The following GALM variants were observed in gnomAD, a reference collection of about 807,000 sequenced individuals.
The protein encoded by GALM is galactose mutarotase.
A neutral mutation model predicts 37.4 loss-of-function variants in GALM; 43 were observed. The observed-to-expected ratio is 1.15, with a 90% CI of 0.90 to 1.48. The LOEUF (loss-of-function observed/expected upper bound fraction) is 1.48, where lower values mean the gene tolerates loss of function less well. GALM is among the 40% of genes most tolerant of loss of function. The pLI, the probability that GALM is intolerant of heterozygous loss-of-function variation, is 0.00. For synonymous variants in GALM, 199 were observed against 170.6 expected, an observed-to-expected ratio of 1.17 and a Z score of -1.30; for missense variants, 456 against 419.1, an observed-to-expected ratio of 1.09 and a Z score of -0.77.
intron 4 of GALM, among the ~76,000 whole-genome samples, chr2:38,714,878 G>C (rs1666239284): frequency 6.6e-6 from 1 of 152,170 alleles, no homozygotes; most frequent in African/African-American, 2.4e-5. Context: ...GGTTCATTTG[G>C]TCTATAGTAT....
At chr2:38,721,096 A>G (rs1025592108) in intron 4 of GALM, among the ~76,000 whole-genome samples, 6 of 152,240 alleles carry the variant, frequency 3.9e-5, no homozygotes, top group Non-Finnish European at 8.8e-5. Context: ...ATCTGCCACA[A>G]GCAGTCATGG....
chr2:38,719,631 C>T (rs1257158952), intron 4 of GALM, among the ~76,000 whole-genome samples: 1 of 151,254 alleles, frequency 6.6e-6, no homozygotes, highest in African/African-American at 2.4e-5. Flanking sequence ...AAAAATTAGC[C>T]AGGTGTGGTG....
intron 4 of GALM, among the ~76,000 whole-genome samples, chr2:38,699,113 C>T (rs991675071): frequency 6.6e-6 from 1 of 150,540 alleles, no homozygotes; most frequent in Non-Finnish European, 1.5e-5. Context: ...GGGGTTTCAC[C>T]ATGTTGGCCA....
rs60191054 is a variant in GALM at position 38,697,039 on chromosome 2, T to C, written c.634+7145T>C. 7.3e-3 allele frequency among the ~76,000 whole-genome samples: 1,107 copies of C among 152,012 alleles called. 18 individuals carry two copies. Among genetic ancestry groups the C allele is most frequent in the African/African-American group, 0.024 (1,009 of 41,456 alleles). Reference sequence around the variant, plus strand: ...TCCTGACCTCAAGTGATCCACCTGCTGTGGCCTCCCAAAGTGCTGGGATTA... The same window carrying C: ...TCCTGACCTCAAGTGATCCACCTGCCGTGGCCTCCCAAAGTGCTGGGATTA... On this transcript the variant is annotated intron_variant, in intron 4 of 6. Transcript: ENST00000272252.
Position 38,701,653 on chromosome 2 carries a change from A to G in GALM, c.634+11759A>G, listed in dbSNP as rs1372191914. 3.9e-5 allele frequency among the ~76,000 whole-genome samples: 6 copies of G among 152,194 alleles called. No homozygotes were observed. In the East Asian group the frequency reaches 1.2e-3, roughly 29 times the overall value. On this transcript the variant is annotated intron_variant, in intron 4 of 6. Coordinates refer to ENST00000272252, the MANE Select transcript of GALM (RefSeq NM_138801.3). Reference sequence around the variant, plus strand: ...AGGCTGTGGAGAGAGGCCCAGCAAGACTTTTGTATTTTATTTCAACCTCTG... The same window carrying G: ...AGGCTGTGGAGAGAGGCCCAGCAAGGCTTTTGTATTTTATTTCAACCTCTG...
At chr2:38,729,772 T>TAAA in intron 5 of GALM, 75 bp downstream of exon 5, 1 of 1,238,648 alleles carries the variant, frequency 8.1e-7, no homozygotes, top group Non-Finnish European at 1.2e-6. Flanking sequence ...GAGCTTTTCC[T>TAAA]CTGGCCATAT....
intron 5 of GALM, among the ~76,000 whole-genome samples, 194 bp from the exon 6 acceptor site, chr2:38,731,541 A>C (rs1292277985): frequency 6.6e-6 from 1 of 152,014 alleles, no homozygotes; most frequent in Non-Finnish European, 1.5e-5. Flanking sequence ...AGGATCCTGA[A>C]AGCCACCTGC....
intron 4 of GALM, among the ~76,000 whole-genome samples, chr2:38,709,869 C>T (rs568204236): frequency 6.6e-6 from 1 of 152,290 alleles, no homozygotes; most frequent in East Asian, 1.9e-4. Context: ...CAGATGAGTA[C>T]CTGTGCCCAT....
intron 5 of GALM, among the ~76,000 whole-genome samples, chr2:38,730,647 G>T (rs545602603): frequency 6.6e-6 from 1 of 152,146 alleles, no homozygotes; most frequent in Non-Finnish European, 1.5e-5. Context: ...CGGGCTGGGC[G>T]TGGTGGCTCA....
chr2:38,709,883 C>A (rs1034083176), intron 4 of GALM, among the ~76,000 whole-genome samples: 2 of 152,174 alleles, frequency 1.3e-5, no homozygotes, highest in African/African-American at 2.4e-5. Context: ...TGCCCATGAG[C>A]CCCTTTACCG....
At chr2:38,722,835 T>C (rs756422628) in intron 4 of GALM, among the ~76,000 whole-genome samples, 1 of 152,134 alleles carries the variant, frequency 6.6e-6, no homozygotes, top group Non-Finnish European at 1.5e-5. Flanking sequence ...TGTGACCAAG[T>C]CGGACACTCC....
intron 4 of GALM, among the ~76,000 whole-genome samples, chr2:38,724,773 TTA>T (rs1222031333): frequency 6.6e-6 from 1 of 152,216 alleles, no homozygotes; most frequent in Non-Finnish European, 1.5e-5. Context: ...TTTGGCCCTG[TTA>T]TATATATTTA....
intron 5 of GALM, 111 bp downstream of exon 5, chr2:38,729,808 G>A: frequency 1.2e-6 from 1 of 818,912 alleles, no homozygotes; most frequent in Non-Finnish European, 2.0e-6. Flanking sequence ...TGCTACAAGT[G>A]ACCCAATACC....
At chr2:38,681,877 T>C (rs1364202165) in intron 3 of GALM, among the ~76,000 whole-genome samples, 2 of 152,228 alleles carry the variant, frequency 1.3e-5, no homozygotes, top group Non-Finnish European at 2.9e-5. Flanking sequence ...CCAGCTCCTT[T>C]AGATATGCTG....
chr2:38,703,070 ATATATATATATATATATATATATTTTT>A (rs1226729658), intron 4 of GALM, among the ~76,000 whole-genome samples: 100 of 5,238 alleles, frequency 0.019, 2 homozygotes, highest in African/African-American at 0.031. Flanking sequence ...ATATATATAT[ATATATATATATATATATATATATTTTT>A]TTTTTTTTTT....
chr2:38,733,444 A>T (rs759261890), intron 6 of GALM, 44 bp from the exon 7 acceptor site: 2 of 1,510,198 alleles, frequency 1.3e-6, no homozygotes, highest in Non-Finnish European at 1.8e-6. Flanking sequence ...TTAATGTTGC[A>T]GCCTGCGGTG....
Position 38,731,353 on chromosome 2 carries a change from C to T in GALM, c.777-382C>T, listed in dbSNP as rs377717634. Among the ~76,000 whole-genome samples, 125 of 149,048 alleles carry T rather than the reference C, an allele frequency of 8.4e-4. 2 individuals are homozygous for T. The highest frequency in any genetic ancestry group is 8.0e-3 in the South Asian group (37 of 4,650). On this transcript the variant is annotated intron_variant, in intron 5 of 6. Coordinates refer to ENST00000272252, the MANE Select transcript of GALM (RefSeq NM_138801.3). ...CTGAGGTTGCAGTGAGCCGAGGTCG[C>T]GCCACTGCACTCCAGCCTGGGCAAT...
chr2:38,705,235 T>C (rs1666013363), intron 4 of GALM, among the ~76,000 whole-genome samples: 1 of 152,186 alleles, frequency 6.6e-6, no homozygotes, highest in African/African-American at 2.4e-5. Context: ...TAGCCATCCT[T>C]AGTGGTCACT....
At chr2:38,711,820 AC>A (rs1366188493) in intron 4 of GALM, among the ~76,000 whole-genome samples, 1 of 1,372 alleles carries the variant, frequency 7.3e-4, no homozygotes, top group Admixed American at 6.0e-3. Flanking sequence ...CATCATCATC[AC>A]TATCACCACC....
Sources: gnomAD v4.1 joint callset for allele counts (sites outside exome capture counted in the v4.1 genomes callset) on GRCh38, gnomAD v4.1.1 for gene constraint, MANE v1.5 for transcripts, NCBI Gene and HGNC (gene_info 2026-07-23, HGNC 2026-07-21) for gene names.